SEC11A: variants seen among roughly 807,000 people sequenced by gnomAD.
SEC11A encodes signal peptidase complex catalytic subunit SEC11A.
Under a neutral mutation model 25.6 loss-of-function variants are expected in SEC11A, and 14 were observed. That is an observed-to-expected ratio of 0.55 (90% CI 0.36 to 0.85). SEC11A has a LOEUF of 0.85. Ranked by LOEUF, SEC11A falls within the 40% of genes least tolerant of loss-of-function variation. The pLI, the probability that SEC11A is intolerant of heterozygous loss-of-function variation, is 0.01. For synonymous variants in SEC11A, 83 were observed against 76.4 expected (o/e 1.09, Z -0.45); for missense variants, 153 against 222.9 (o/e 0.69, Z 2.00).
At chr15:84,685,282 C>T (rs546524494) in intron 3 of SEC11A, among the ~76,000 whole-genome samples, 3 of 152,072 alleles carry the variant, frequency 2.0e-5, no homozygotes, top group East Asian at 3.9e-4. Flanking sequence ...TTTTGAGATA[C>T]AGTCTCACTC....
intron 1 of SEC11A, among the ~76,000 whole-genome samples, chr15:84,704,720 C>T (rs1000009632): frequency 2.0e-4 from 30 of 152,162 alleles, no homozygotes; most frequent in African/African-American, 7.2e-4. Flanking sequence ...CGACTATAAA[C>T]CAGCTCCAGG....
chr15:84,679,966 A>T, intron 4 of SEC11A: 1 of 1,528,460 alleles, frequency 6.5e-7, no homozygotes, highest in Non-Finnish European at 8.8e-7. Flanking sequence ...TCTCCTGATA[A>T]AATCTGAAAC....
At chr15:84,707,920 T>C (rs1463194324) in intron 1 of SEC11A, among the ~76,000 whole-genome samples, 1 of 152,006 alleles carries the variant, frequency 6.6e-6, no homozygotes, top group African/African-American at 2.4e-5. Flanking sequence ...TTCAAAAGAA[T>C]ATACCAGCCG....
Position 84,670,858 on chromosome 15 carries a change from A to G in SEC11A, c.432-76T>C. The G allele has an allele frequency of 1.2e-5, 8 of 648,270 alleles. No individual in the cohort carries two copies. The South Asian group carries it at 1.3e-4, about 10-fold the overall frequency. 40.2% of individuals were successfully genotyped at this position (648,270 alleles called of 1,614,324 possible). ...TGTTGTCACTCACTGAATATTATCA[A>G]TATCTTCTATAGAATACTAATTTTC... On this transcript the variant is annotated intron_variant, in intron 4 of 5. Coordinates refer to ENST00000268220, the MANE Select transcript of SEC11A (RefSeq NM_014300.4).
chr15:84,671,969 T>G (rs1442626736), intron 4 of SEC11A: 1 of 152,226 alleles, frequency 6.6e-6, no homozygotes, highest in Non-Finnish European at 1.5e-5. Flanking sequence ...TTCTTCTTTA[T>G]CCTCCTCTTC....
chr15:84,715,978 C>A (rs773582069), intron 1 of SEC11A, 47 bp downstream of exon 1: 10 of 1,594,380 alleles, frequency 6.3e-6, no homozygotes, highest in African/African-American at 1.3e-5. Context: ...GCAGCAGCCT[C>A]GAAGGGACAA....
intron 1 of SEC11A, among the ~76,000 whole-genome samples, chr15:84,704,931 T>TC (rs397696592): frequency 1.4e-5 from 2 of 147,474 alleles, no homozygotes; most frequent in African/African-American, 5.0e-5. Flanking sequence ...TTTTTTTTTT[T>TC]CTCTTTTTAA....
intron 4 of SEC11A, among the ~76,000 whole-genome samples, chr15:84,677,597 A>C (rs1451595394): frequency 6.6e-6 from 1 of 150,560 alleles, no homozygotes; most frequent in Non-Finnish European, 1.5e-5. Context: ...CTCAGCCTCC[A>C]GAGTCACTGG....
At chr15:84,703,003 G>A (rs905555789) in intron 1 of SEC11A, among the ~76,000 whole-genome samples, 8 of 152,128 alleles carry the variant, frequency 5.3e-5, no homozygotes, top group African/African-American at 1.9e-4. Flanking sequence ...TAGTACCCAC[G>A]TGACTCAGAA....
chr15:84,712,699 G>A (rs954717340), intron 1 of SEC11A, among the ~76,000 whole-genome samples: 11 of 151,712 alleles, frequency 7.3e-5, no homozygotes, highest in Non-Finnish European at 1.0e-4. Context: ...CCACCTGCTC[G>A]GCCTCCCAAA....
intron 4 of SEC11A, among the ~76,000 whole-genome samples, chr15:84,678,058 A>G (rs67752071): frequency 0.066 from 10,071 of 152,104 alleles, 424 homozygotes; most frequent in African/African-American, 0.1. Context: ...TTAGCCAGGA[A>G]TTGTGGCACA....
intron 1 of SEC11A, among the ~76,000 whole-genome samples, chr15:84,693,798 T>C (rs1567039943): frequency 6.6e-6 from 1 of 152,082 alleles, no homozygotes; most frequent in Non-Finnish European, 1.5e-5. Flanking sequence ...GGTGTTGTGG[T>C]TATGTGGAAT....
At chr15:84,680,027 G>T in intron 4 of SEC11A, 2 of 1,115,870 alleles carry the variant, frequency 1.8e-6, no homozygotes, top group South Asian at 1.4e-5. Flanking sequence ...TCAATTTCAA[G>T]ACTAGAAATA....
rs555331062 is a variant in SEC11A, at chr15:84,669,898, A to G, written c.*121T>C. The G allele has an allele frequency of 6.4e-6, 10 of 1,560,136 alleles. No individual in the cohort carries two copies. The East Asian group carries it at 1.6e-4, about 26-fold the overall frequency. On this transcript the variant is annotated 3_prime_UTR_variant, in exon 6 of 6. Coordinates refer to ENST00000268220, the MANE Select transcript of SEC11A (RefSeq NM_014300.4). ...ATGGAAACATAAACTAATGCAAACC[A>G]GTGCTACCCAGAAGCACCAACACGT...
intron 4 of SEC11A, among the ~76,000 whole-genome samples, chr15:84,678,905 A>T (rs938278187): frequency 6.6e-6 from 1 of 151,992 alleles, no homozygotes; most frequent in African/African-American, 2.4e-5. Flanking sequence ...GAGGCACAAG[A>T]ATCTTTTAAG....
chr15:84,676,464 A>AT (rs768514639), intron 4 of SEC11A, among the ~76,000 whole-genome samples: 151 of 118,872 alleles, frequency 1.3e-3, no homozygotes, highest in South Asian at 2.4e-3. Context: ...AAAAAAAAAA[A>AT]TTTTTTTTTT....
intron 4 of SEC11A, chr15:84,673,186 CT>C (rs1212005533): frequency 5.5e-6 from 1 of 180,478 alleles, no homozygotes; most frequent in African/African-American, 2.4e-5. Context: ...AGGGGCGCCT[CT>C]GCCCGGCCGC....
intron 4 of SEC11A, among the ~76,000 whole-genome samples, chr15:84,678,772 C>T (rs1596069712): frequency 1.3e-5 from 2 of 152,144 alleles, no homozygotes; most frequent in South Asian, 2.1e-4. Flanking sequence ...ACAGGTGGAT[C>T]ATTTGAAGCT....
chr15:84,715,925 TC>T, intron 1 of SEC11A, 99 bp downstream of exon 1: 1 of 1,127,136 alleles, frequency 8.9e-7, no homozygotes, highest in Non-Finnish European at 1.3e-6. Context: ...TCAGACCAGC[TC>T]AGACCCTCAC....
Sources: allele counts gnomAD v4.1 joint callset (sites outside exome capture counted in the v4.1 genomes callset), GRCh38; gene constraint gnomAD v4.1.1; transcripts MANE v1.5; gene names NCBI Gene and HGNC (gene_info 2026-07-23, HGNC 2026-07-21).